Variants in ADAMTS8 observed in about 807,000 individuals in gnomAD.
The protein encoded by ADAMTS8 is A disintegrin and metalloproteinase with thrombospondin motifs 8.
Under a neutral mutation model 64.4 loss-of-function variants are expected in ADAMTS8, and 50 were observed. The observed-to-expected ratio is 0.78, with a 90% CI of 0.62 to 0.98. The LOEUF (loss-of-function observed/expected upper bound fraction) is 0.98, where lower values mean the gene tolerates loss of function less well. Among genes scored for constraint, ADAMTS8 ranks in the 50% least tolerant of loss-of-function variants. The probability of loss-of-function intolerance (pLI) is 0.00; values close to 1 mark genes in which losing one functional copy is unlikely to be tolerated. For missense variants in ADAMTS8, 1,192 were observed against 1,208.2 expected, an observed-to-expected ratio of 0.99 and a Z score of 0.20; for synonymous variants, 556 against 533.6, an observed-to-expected ratio of 1.04 and a Z score of -0.58.
rs778270891 is a variant in ADAMTS8 at position 130,414,743 on chromosome 11, A to C, written c.1354T>G (p.Cys452Gly). 6.2e-7 allele frequency: 1 copy of C among 1,613,568 alleles called. No individual in the cohort carries two copies. Among genetic ancestry groups the C allele is most frequent in the Admixed American group, 1.7e-5 (1 of 60,018 alleles). The change falls in exon 5 of 9, where the codon TGC (cysteine) becomes GGC (glycine). Residue 452 changes from cysteine to glycine, a missense_variant. Coordinates refer to ENST00000257359, the MANE Select transcript of ADAMTS8 (RefSeq NM_007037.6). ...RMALYQLDQQ[C>G]RQIFGPDFRH... Reference sequence around the variant, plus strand: ...AAATCCGGCCCAAAGATCTGCCTGCACTGCTGGTCCAGCTGGTACAGGGCC... The same window carrying C: ...AAATCCGGCCCAAAGATCTGCCTGCCCTGCTGGTCCAGCTGGTACAGGGCC...
intron 1 of ADAMTS8, 132 bp downstream of exon 1, chr11:130,427,435 A>G (rs1862181693): frequency 9.1e-7 from 1 of 1,103,298 alleles, no homozygotes; most frequent in African/African-American, 1.6e-5. Context: ...AGGCTGGAGA[A>G]GATGAGTGGG....
At chr11:130,424,934 A>G (rs1373103003) in intron 1 of ADAMTS8, among the ~76,000 whole-genome samples, 2 of 152,042 alleles carry the variant, frequency 1.3e-5, no homozygotes, top group Non-Finnish European at 2.9e-5. Flanking sequence ...CTGAGGGAAG[A>G]CTTTTCTTCC....
At chr11:130,420,280 A>C (rs190512669) in intron 1 of ADAMTS8, among the ~76,000 whole-genome samples, 1 of 152,292 alleles carries the variant, frequency 6.6e-6, no homozygotes, top group East Asian at 1.9e-4. Context: ...CAGAGCATAC[A>C]TCACTGCTTG....
Position 130,408,589 on chromosome 11 carries a change from A to G in ADAMTS8, c.1974T>C (p.Arg658=), listed in dbSNP as rs1861913188. 2 of 1,614,050 alleles carry G rather than the reference A, an allele frequency of 1.2e-6. No individual in the cohort carries two copies. The highest frequency in any genetic ancestry group is 1.7e-6 in the Non-Finnish European group (2 of 1,180,048). The change falls in exon 8 of 9, where the codon CGT becomes CGC. Residue 658 remains arginine, a synonymous_variant. Transcript: ENST00000257359. ...CACAGCCGGCCTTGACACACTGGCCACGGACACAGATGGCCAGTGTTTCTG... is the reference window on the plus strand; with the variant it reads ...CACAGCCGGCCTTGACACACTGGCCGCGGACACAGATGGCCAGTGTTTCTG... ...CGPETLAICV[R]GQCVKAGCDH... is the part of the protein sequence containing the mutation.
chr11:130,423,861 G>A (rs902460467), intron 1 of ADAMTS8, among the ~76,000 whole-genome samples: 1 of 152,188 alleles, frequency 6.6e-6, no homozygotes, highest in African/African-American at 2.4e-5. Flanking sequence ...GTCTTCCCAG[G>A]TGGTCCCTCC....
chr11:130,419,442 T>C, intron 1 of ADAMTS8, 150 bp from the exon 2 acceptor site: 1 of 1,118,258 alleles, frequency 8.9e-7, no homozygotes, highest in Non-Finnish European at 1.3e-6. Context: ...TCCGTGTTAC[T>C]CCCTTCATTT....
chr11:130,422,492 C>T (rs993700855), intron 1 of ADAMTS8, among the ~76,000 whole-genome samples: 1 of 152,074 alleles, frequency 6.6e-6, no homozygotes, highest in Non-Finnish European at 1.5e-5. Context: ...CTTTCCCTTG[C>T]GGCGCGCCTG....
At position 130,408,616 on chromosome 11, in the gene ADAMTS8, C is replaced by T. The variant is rs1179705633; in HGVS notation, c.1947G>A (p.Gly649=). 1.2e-6 allele frequency: 2 copies of T among 1,614,042 alleles called. No individual in the cohort carries two copies. The highest frequency in any genetic ancestry group is 1.7e-5 in the Admixed American group (1 of 60,018). The change falls in exon 8 of 9, where the codon GGG becomes GGA. Residue 649 remains glycine, a synonymous_variant. Coordinates refer to ENST00000257359, the MANE Select transcript of ADAMTS8 (RefSeq NM_007037.6). ...GGACACAGATGGCCAGTGTTTCTGG[C>T]CCACACAGGGTGCCATCAATCACCT... ...EAKVIDGTLC[G]PETLAICVRG...
chr11:130,408,698 G>C (rs942985866), intron 7 of ADAMTS8, 59 bp from the exon 8 acceptor site: 9 of 1,611,126 alleles, frequency 5.6e-6, no homozygotes, highest in African/African-American at 2.7e-5. Context: ...CAGCCTGCCG[G>C]GGGGCGGGGG....
chr11:130,414,382 T>C, intron 5 of ADAMTS8, 149 bp downstream of exon 5: 1 of 979,956 alleles, frequency 1.0e-6, no homozygotes, highest in Non-Finnish European at 1.5e-6. Flanking sequence ...CCCAAAGTGC[T>C]GGGATTCCAG....
intron 8 of ADAMTS8, among the ~76,000 whole-genome samples, chr11:130,407,070 G>T (rs941479587): frequency 3.9e-5 from 6 of 152,154 alleles, no homozygotes; most frequent in African/African-American, 1.4e-4. Context: ...GAGCTTAAAT[G>T]TAAAAAGAGT....
chr11:130,420,168 G>C (rs186513665), intron 1 of ADAMTS8, among the ~76,000 whole-genome samples: 8 of 152,160 alleles, frequency 5.3e-5, no homozygotes, highest in South Asian at 2.1e-4. Context: ...AGCCCCGAAG[G>C]GTTCGTTCCC....
intron 1 of ADAMTS8, among the ~76,000 whole-genome samples, chr11:130,426,738 T>C (rs1862171543): frequency 6.6e-6 from 1 of 152,152 alleles, no homozygotes; most frequent in South Asian, 2.1e-4. Context: ...TTTTCTCCCC[T>C]GTTTAGGTAA....
rs527937005 is a variant in ADAMTS8, at chr11:130,406,077, G to A, written c.2151C>T (p.Asp717=). 3.7e-6 allele frequency: 6 copies of A among 1,613,298 alleles called. No individual in the cohort carries two copies. Among genetic ancestry groups the A allele is most frequent in the Admixed American group, 3.3e-5 (2 of 60,020 alleles). ...VTIPAGATNI[D]VKQRSHPGVQ... ...CACCCGGGTGGCTCCGCTGCTTCAC[G>A]TCAATATTAGTGGCACCAGCTGGGA... The change falls in exon 9 of 9, where the codon GAC becomes GAT. Residue 717 remains aspartate (D), a synonymous_variant. Transcript: ENST00000257359.
At position 130,413,499 on chromosome 11, in the gene ADAMTS8, G is replaced by A. The variant is rs866823828; in HGVS notation, c.1566+1032C>T. Among the ~76,000 whole-genome samples the A allele has an allele frequency of 4.6e-5, 7 of 152,332 alleles. No individual in the cohort carries two copies. The South Asian group carries it at 1.5e-3, about 32-fold the overall frequency. ...ATTCAGCGCTGGCGGGGACCGGGCT[G>A]TGAAACCCAGTGGATGCTGTTTCAT... On this transcript the variant is annotated intron_variant, in intron 5 of 8. Transcript: ENST00000257359.
Position 130,427,843 on chromosome 11 carries a change from G to A in ADAMTS8, c.444C>T (p.His148=), listed in dbSNP as rs760651417. ...CGGCGGGACCCCAGCGCTGCAGGCG[G>A]TGCGGCTGAGCCAGGGAGCCCCCCG... ...QGAGGSLAQP[H]RLQRWGPAGA... Residue 148 remains histidine, a synonymous_variant, in exon 1 of 9, where the codon CAC becomes CAT. Transcript: ENST00000257359. The A allele has an allele frequency of 6.5e-6, 10 of 1,542,116 alleles. No homozygotes were observed. In the African/African-American group the frequency reaches 6.8e-5, roughly 11 times the overall value.
chr11:130,405,486 A>G lies in ADAMTS8; in HGVS notation c.*72T>C. 3 of 1,516,356 alleles carry G rather than the reference A, an allele frequency of 2.0e-6. No individual in the cohort carries two copies. The highest frequency in any genetic ancestry group is 2.6e-6 in the Non-Finnish European group (3 of 1,137,616). 93.9% of individuals were successfully genotyped at this position (1,516,356 alleles called of 1,614,324 possible). On this transcript the variant is annotated 3_prime_UTR_variant, in exon 9 of 9. Coordinates refer to ENST00000257359, the MANE Select transcript of ADAMTS8 (RefSeq NM_007037.6). ...GATATGGCCAAGGGACCCAGTCACC[A>G]CAGTGGAGACCCTTGTCTGCACCTC...
Position 130,416,435 on chromosome 11 carries a change from T to G in ADAMTS8, c.1097-105A>C. 1 of 1,286,718 alleles carries G rather than the reference T, an allele frequency of 7.8e-7. No individual in the cohort carries two copies. The highest frequency in any genetic ancestry group is 1.0e-6 in the Non-Finnish European group (1 of 964,066). The allele number at this position is 1,286,718 out of a possible 1,614,324, so 79.7% of individuals were successfully genotyped here. A position where few individuals can be genotyped will look rare whatever the true frequency, so the allele number is the denominator to read the frequency against. On this transcript the variant is annotated intron_variant, in intron 3 of 8. Transcript: ENST00000257359. The surrounding 1 kb of genome is among the most constrained non-coding windows in gnomAD (Gnocchi z 4.8). The stretch of plus-strand genomic sequence containing the variant: ...GCTCCTCAGGGGAGCAGCCACCCCC[T>G]CACTCTCCGAAGATTTCTGCGTAGG...
intron 2 of ADAMTS8, 87 bp downstream of exon 2, chr11:130,418,966 C>A: frequency 6.3e-7 from 1 of 1,581,442 alleles, no homozygotes. Context: ...AGACGTTTCC[C>A]ATGTTTGGGC....
Sources: allele counts gnomAD v4.1 joint callset (sites outside exome capture counted in the v4.1 genomes callset), GRCh38; gene constraint gnomAD v4.1.1; non-coding constraint Gnocchi (gnomAD v3.1); transcripts MANE v1.5; gene names NCBI Gene and HGNC (gene_info 2026-07-23, HGNC 2026-07-21).